The following ESRRB variants were observed in gnomAD, a reference collection of about 807,000 sequenced individuals.
ESRRB encodes the protein steroid hormone receptor ERR2.
A neutral mutation model predicts 46.0 loss-of-function variants in ESRRB; 16 were observed. The observed-to-expected ratio is 0.35, with a 90% CI of 0.24 to 0.53. The LOEUF is 0.53. Ranked by LOEUF, ESRRB falls within the 20% of genes least tolerant of loss-of-function variation. The pLI, the probability that ESRRB is intolerant of heterozygous loss-of-function variation, is 0.93. For missense variants in ESRRB, 488 were observed against 607.4 expected, an observed-to-expected ratio of 0.80 and a Z score of 2.07; for synonymous variants, 246 against 259.6, an observed-to-expected ratio of 0.95 and a Z score of 0.50.
Position 76,469,974 on chromosome 14 carries a change from G to A in ESRRB, c.577+7313G>A, listed in dbSNP as rs1305269791. On this transcript the variant is annotated intron_variant, in intron 3 of 6. Coordinates refer to ENST00000644823, the MANE Select transcript of ESRRB (RefSeq NM_001379180.1). The stretch of plus-strand genomic sequence containing the variant: ...TTTTTTTTTTTTTTTTTGAGACAGA[G>A]TCTTGCTCTGTCACCCAGGCTGGAG... Among the ~76,000 whole-genome samples the A allele has an allele frequency of 2.8e-5, 3 of 108,370 alleles. No individual in the cohort carries two copies. The South Asian group carries it at 9.6e-4, about 35-fold the overall frequency. 71.1% of individuals were successfully genotyped at this position (108,370 alleles called of 152,430 possible).
intron 1 of ESRRB, among the ~76,000 whole-genome samples, chr14:76,326,932 T>C (rs1409901547): frequency 3.3e-5 from 5 of 152,370 alleles, no homozygotes; most frequent in Non-Finnish European, 1.5e-5. Context: ...CAGCCACGCC[T>C]GGGCCCAGCA....
intron 2 of ESRRB, among the ~76,000 whole-genome samples, chr14:76,454,558 T>C (rs1888523725): frequency 6.6e-6 from 1 of 152,068 alleles, no homozygotes; most frequent in Non-Finnish European, 1.5e-5. Flanking sequence ...GAGGACCAAA[T>C]GAGGAGTTTC....
chr14:76,477,742 GT>G (rs371201050), intron 3 of ESRRB, among the ~76,000 whole-genome samples: 2 of 152,010 alleles, frequency 1.3e-5, no homozygotes, highest in African/African-American at 2.4e-5. Context: ...ACAGGCTACT[GT>G]TTTTTTAACA....
intron 1 of ESRRB, among the ~76,000 whole-genome samples, chr14:76,336,313 C>T (rs1884126004): frequency 7.6e-6 from 1 of 130,994 alleles, no homozygotes; most frequent in Admixed American, 8.0e-5. Flanking sequence ...ATGACTGGCC[C>T]AAGGGCTCAA....
upstream of ESRRB, among the ~76,000 whole-genome samples, chr14:76,373,456 A>G (rs1399110283): frequency 6.6e-6 from 1 of 152,176 alleles, no homozygotes; most frequent in Non-Finnish European, 1.5e-5. Flanking sequence ...CTCTCCAGCC[A>G]GAGGCATGGA....
rs139527682 is a variant in ESRRB, at chr14:76,328,057, A to G, written c.2+17141A>G. Among the ~76,000 whole-genome samples, 735 of 152,216 alleles carry G rather than the reference A, an allele frequency of 4.8e-3. 8 individuals are homozygous for G. The highest frequency in any genetic ancestry group is 0.017 in the African/African-American group (694 of 41,534). ...TTGTACTGCACTTCAGCCCCATGCA[A>G]TGCTTTGTGGAACTATGAGATCATT... On this transcript the variant is annotated intron_variant, in intron 1 of 6. Coordinates refer to the ESRRB transcript ENST00000512784.
In ESRRB at chr14:76,482,871, GT is replaced by G. The variant is rs1889864813; in HGVS notation, c.850+113del. 1 of 1,307,230 alleles carries G rather than the reference GT, an allele frequency of 7.6e-7. No individual in the cohort carries two copies. Among genetic ancestry groups the G allele is most frequent in the African/African-American group, 1.4e-5 (1 of 69,312 alleles). The allele number at this position is 1,307,230 out of a possible 1,614,324, so 81.0% of individuals were successfully genotyped here. ...CCGGATCCTGGACCCCAGAAGGCCTGTGAAATCCTGGCAGGCCTGTTTCTCT... is the reference window on the plus strand; with the variant it reads ...CCGGATCCTGGACCCCAGAAGGCCTGGAAATCCTGGCAGGCCTGTTTCTCT... On this transcript the variant is annotated intron_variant, in intron 5 of 6. Transcript: ENST00000644823. This position sits in a 1 kb window ranked among gnomAD's most constrained non-coding sequence, Gnocchi z 4.3.
At chr14:76,334,312 T>C (rs1329382611) in intron 1 of ESRRB, among the ~76,000 whole-genome samples, 1 of 152,030 alleles carries the variant, frequency 6.6e-6, no homozygotes, top group African/African-American at 2.4e-5. Context: ...CTCGAGAATA[T>C]ACTCTGGAGA....
chr14:76,420,761 C>T (rs1886921807), intron 1 of ESRRB, among the ~76,000 whole-genome samples: 1 of 152,132 alleles, frequency 6.6e-6, no homozygotes, highest in Admixed American at 6.5e-5. Context: ...AAAAAGGGGT[C>T]CCCTGGAACC....
chr14:76,419,805 C>T (rs1039348963), intron 1 of ESRRB, among the ~76,000 whole-genome samples: 2 of 152,212 alleles, frequency 1.3e-5, no homozygotes, highest in African/African-American at 4.8e-5. Context: ...AAAGTCAAGA[C>T]TTGCACATGG....
upstream of ESRRB, among the ~76,000 whole-genome samples, chr14:76,369,083 G>A (rs1468387241): frequency 2.0e-5 from 3 of 151,334 alleles, no homozygotes; most frequent in Non-Finnish European, 4.4e-5. Context: ...TGTAATCCCA[G>A]CTACTCAGGA....
intron 1 of ESRRB, among the ~76,000 whole-genome samples, chr14:76,321,818 C>A (rs1296293053): frequency 1.3e-5 from 2 of 151,188 alleles, no homozygotes; most frequent in Non-Finnish European, 2.9e-5. Context: ...ACCTGGGAGG[C>A]GGAGCTTGCA....
At position 76,499,248 on chromosome 14, in the gene ESRRB, A is replaced by G. The variant is rs145312402; in HGVS notation, c.*790A>G. The G allele has an allele frequency of 2.3e-3, 569 of 251,692 alleles. 3 individuals are homozygous for G. Among genetic ancestry groups the G allele is most frequent in the African/African-American group, 0.012 (553 of 44,564 alleles). 15.6% of individuals were successfully genotyped at this position (251,692 alleles called of 1,614,324 possible). On this transcript the variant is annotated 3_prime_UTR_variant, in exon 7 of 7. Transcript: ENST00000644823. ...GCGACTCCAGGGGCTGTAGACAGGA[A>G]CGCGCTGGCACAGAGAAGAGCGGGG...
At chr14:76,421,800 C>A (rs927969378) in intron 1 of ESRRB, among the ~76,000 whole-genome samples, 1 of 152,204 alleles carries the variant, frequency 6.6e-6, no homozygotes, top group African/African-American at 2.4e-5. Context: ...CCTCCCCTCC[C>A]TGAGAACTGC....
chr14:76,339,479 A>G (rs1884165695), intron 1 of ESRRB, among the ~76,000 whole-genome samples: 1 of 152,170 alleles, frequency 6.6e-6, no homozygotes, highest in Non-Finnish European at 1.5e-5. Context: ...TTGGGGCCCC[A>G]TGAGCTTCCG....
rs1889856330 is a variant in ESRRB at position 76,482,678 on chromosome 14, G to C, written c.769G>C (p.Asp257His). Residue 257 changes from aspartate (D) to histidine (H), a missense_variant, in exon 5 of 7, where the codon GAC becomes CAC. Transcript: ENST00000644823. This position sits in a 1 kb window ranked among gnomAD's most constrained non-coding sequence, Gnocchi z 4.3. The stretch of plus-strand genomic sequence containing the variant: ...GCCTCCCCCTGGTATGCCTGAGGGG[G>C]ACATCAAGGCCCTGACCACTCTCTG... Reference protein sequence around the residue: ...AMPPPGMPEGDIKALTTLCDL... With the variant: ...AMPPPGMPEGHIKALTTLCDL... 4 of 1,614,168 alleles carry C rather than the reference G, an allele frequency of 2.5e-6. No homozygotes were observed. Among genetic ancestry groups the C allele is most frequent in the Middle Eastern group, 1.7e-4 (1 of 6,060 alleles).
intron 5 of ESRRB, among the ~76,000 whole-genome samples, chr14:76,490,723 AG>A (rs1890189037): frequency 6.6e-6 from 1 of 152,028 alleles, no homozygotes; most frequent in African/African-American, 2.4e-5. Context: ...AATAGCAGGG[AG>A]GGGGGAACTA....
intron 1 of ESRRB, among the ~76,000 whole-genome samples, chr14:76,388,174 T>C: frequency 6.8e-6 from 1 of 146,100 alleles, no homozygotes; most frequent in South Asian, 2.2e-4. Context: ...TTTCTTTCAT[T>C]CTTTTTTTTT....
chr14:76,413,868 C>T (rs1288392028), intron 1 of ESRRB, among the ~76,000 whole-genome samples: 2 of 139,970 alleles, frequency 1.4e-5, no homozygotes, highest in Admixed American at 7.2e-5. Flanking sequence ...CCATCCCCAC[C>T]CCTGCACCGT....
Sources: gnomAD v4.1 joint callset for allele counts (sites outside exome capture counted in the v4.1 genomes callset) on GRCh38, gnomAD v4.1.1 for gene constraint, Gnocchi (gnomAD v3.1) non-coding constraint, MANE v1.5 for transcripts, NCBI Gene and HGNC (gene_info 2026-07-23, HGNC 2026-07-21) for gene names.